TRAPPC9: variants seen among roughly 807,000 people sequenced by gnomAD.
TRAPPC9 encodes the protein IKK2 binding protein.
In TRAPPC9, 83 loss-of-function variants were observed where a neutral mutation model predicts 124.0. That is an observed-to-expected ratio of 0.67 (90% CI 0.56 to 0.80). The LOEUF is 0.80. Ranked by LOEUF, TRAPPC9 falls within the 30% of genes least tolerant of loss-of-function variation. The pLI is 0.00. For synonymous variants in TRAPPC9, 638 were observed against 617.5 expected (o/e 1.03, Z -0.49); for missense variants, 1,302 against 1,508.3 (o/e 0.86, Z 2.27).
At chr8:139,964,203 C>T (rs561436470) in intron 19 of TRAPPC9, among the ~76,000 whole-genome samples, 5 of 120,890 alleles carry the variant, frequency 4.1e-5, no homozygotes, top group South Asian at 2.9e-4. Flanking sequence ...CCAGCCTGGG[C>T]GACAGAGCAA....
In TRAPPC9 at chr8:140,068,213, G is replaced by A. The variant is rs75319905; in HGVS notation, c.2557-44134C>T. On this transcript the variant is annotated intron_variant, in intron 17 of 22. Transcript: ENST00000438773. Reference sequence around the variant, plus strand: ...TAGAGCAGAGCTGCCTGGGGAAGTGGAAGGCTTCATGGAGGTGTGACATTG... The same window carrying A: ...TAGAGCAGAGCTGCCTGGGGAAGTGAAAGGCTTCATGGAGGTGTGACATTG... Among the ~76,000 whole-genome samples, 1,445 of 152,208 alleles carry A rather than the reference G, an allele frequency of 9.5e-3. 14 individuals are homozygous for A. The highest frequency in any genetic ancestry group is 0.016 in the Non-Finnish European group (1,073 of 67,990).
intron 8 of TRAPPC9, among the ~76,000 whole-genome samples, chr8:140,367,275 G>A (rs1563977724): frequency 1.3e-5 from 2 of 152,184 alleles, no homozygotes; most frequent in African/African-American, 4.8e-5. Flanking sequence ...GCACATGAAT[G>A]TTTATGGCTG....
chr8:140,393,653 C>T (rs1481209432), intron 7 of TRAPPC9, among the ~76,000 whole-genome samples: 1 of 152,178 alleles, frequency 6.6e-6, no homozygotes, highest in Admixed American at 6.5e-5. Context: ...ATTCTTAAAG[C>T]AGAAGGAACC....
At chr8:139,886,142 C>T (rs1451741692) in intron 20 of TRAPPC9, among the ~76,000 whole-genome samples, 173 bp from the exon 21 acceptor site, 2 of 152,238 alleles carry the variant, frequency 1.3e-5, no homozygotes, top group Non-Finnish European at 2.9e-5. Context: ...ATGTGGACAT[C>T]AGGGGCATAT....
At chr8:140,220,171 C>T (rs557730826) in intron 17 of TRAPPC9, among the ~76,000 whole-genome samples, 2 of 152,336 alleles carry the variant, frequency 1.3e-5, no homozygotes, top group South Asian at 4.1e-4. Flanking sequence ...AACAGCAACA[C>T]GCAGCGCCAG....
intron 13 of TRAPPC9, among the ~76,000 whole-genome samples, chr8:140,287,283 C>T (rs781244441): frequency 2.0e-5 from 3 of 152,022 alleles, no homozygotes; most frequent in East Asian, 1.9e-4. Flanking sequence ...GGAGATTCAG[C>T]GTGTGTAGAC....
chr8:140,107,742 C>A (rs763913510), intron 17 of TRAPPC9, among the ~76,000 whole-genome samples: 1 of 152,174 alleles, frequency 6.6e-6, no homozygotes, highest in Non-Finnish European at 1.5e-5. Context: ...ATGAGAAGAG[C>A]TGAGGCAAGA....
At chr8:140,024,631 G>A (rs907743211) in intron 17 of TRAPPC9, among the ~76,000 whole-genome samples, 5 of 152,138 alleles carry the variant, frequency 3.3e-5, no homozygotes, top group East Asian at 1.9e-4. Context: ...TCCTGACCTC[G>A]GGTGATCCAC....
At chr8:140,002,464 C>T (rs1197145140) in intron 18 of TRAPPC9, among the ~76,000 whole-genome samples, 2 of 151,924 alleles carry the variant, frequency 1.3e-5, no homozygotes, top group Non-Finnish European at 2.9e-5. Flanking sequence ...ACAATCTTAT[C>T]TGAAGATTTA....
intron 21 of TRAPPC9, among the ~76,000 whole-genome samples, chr8:139,733,381 C>A (rs984251972): frequency 6.6e-6 from 1 of 152,060 alleles, no homozygotes; most frequent in Non-Finnish European, 1.5e-5. Context: ...ACTGAGAACA[C>A]ACATCTGTTG....
At chr8:139,735,667 T>G (rs75991137) in intron 21 of TRAPPC9, among the ~76,000 whole-genome samples, 27,209 of 150,728 alleles carry the variant, frequency 0.18, 2,613 homozygotes, top group African/African-American at 0.25. Context: ...TGTTTTTTTT[T>G]TTTGTTTTGT....
chr8:140,230,249 A>G (rs2063559237), intron 16 of TRAPPC9, among the ~76,000 whole-genome samples: 1 of 152,208 alleles, frequency 6.6e-6, no homozygotes, highest in African/African-American at 2.4e-5. Context: ...CTTTTAAAGC[A>G]CTGGACAGTC....
chr8:139,867,136 T>C (rs1342469277), intron 21 of TRAPPC9, among the ~76,000 whole-genome samples: 3 of 152,192 alleles, frequency 2.0e-5, no homozygotes, highest in Non-Finnish European at 4.4e-5. Flanking sequence ...ACCTGGCCTC[T>C]AAATATCAAT....
chr8:140,106,797 C>A (rs912919283), intron 17 of TRAPPC9, among the ~76,000 whole-genome samples: 6 of 152,178 alleles, frequency 3.9e-5, no homozygotes, highest in African/African-American at 1.4e-4. Context: ...ATATAAAGGG[C>A]TTGAACAGTG....
chr8:139,927,935 G>A (rs1832906618), intron 19 of TRAPPC9, among the ~76,000 whole-genome samples: 1 of 152,182 alleles, frequency 6.6e-6, no homozygotes, highest in African/African-American at 2.4e-5. Flanking sequence ...CACGCCAGGG[G>A]TTGCTGTGGG....
intron 21 of TRAPPC9, among the ~76,000 whole-genome samples, chr8:139,813,094 C>T (rs867882607): frequency 5.9e-5 from 9 of 152,340 alleles, no homozygotes; most frequent in Non-Finnish European, 7.3e-5. Flanking sequence ...ATGCAGAGGC[C>T]GGGTGCCAGC....
rs1472020478 is a variant in TRAPPC9, at chr8:140,371,108, T to C, written c.1207A>G (p.Lys403Glu). 1 of 1,614,040 alleles carries C rather than the reference T, an allele frequency of 6.2e-7. No individual in the cohort carries two copies. Among genetic ancestry groups the C allele is most frequent in the Non-Finnish European group, 8.5e-7 (1 of 1,180,022 alleles). ...ELYELIGFHR[K>E]SAFFKRVAAM... Reference sequence around the variant, plus strand: ...GCCACGCGCTTGAAGAACGCAGACTTGCGATGGAAGCCGATCAGCTCATAG... The same window carrying C: ...GCCACGCGCTTGAAGAACGCAGACTCGCGATGGAAGCCGATCAGCTCATAG... Residue 403 changes from lysine to glutamate, a missense_variant, in exon 8 of 23, where the codon AAG (lysine) becomes GAG (glutamate). Lys to Glu is a moderately conservative substitution (Grantham distance 56). Transcript: ENST00000438773.
At chr8:140,142,182 C>T (rs538738267) in intron 17 of TRAPPC9, among the ~76,000 whole-genome samples, 10 of 152,348 alleles carry the variant, frequency 6.6e-5, no homozygotes, top group African/African-American at 2.2e-4. Context: ...TAGCTCCCCA[C>T]GCTTGCATTT....
intron 14 of TRAPPC9, among the ~76,000 whole-genome samples, chr8:140,277,093 G>A (rs908396440): frequency 4.6e-5 from 7 of 152,136 alleles, no homozygotes; most frequent in Admixed American, 2.0e-4. Context: ...TTCCCACGCC[G>A]AAGCACTTGG....
Sources: gnomAD v4.1 joint callset for allele counts (sites outside exome capture counted in the v4.1 genomes callset) on GRCh38, gnomAD v4.1.1 for gene constraint, MANE v1.5 for transcripts, NCBI Gene and HGNC (gene_info 2026-07-23, HGNC 2026-07-21) for gene names.